The following FYN variants were observed in gnomAD, a reference collection of about 807,000 sequenced individuals.
FYN encodes FYN proto-oncogene, Src family tyrosine kinase.
Under a neutral mutation model 70.2 loss-of-function variants are expected in FYN, and 10 were observed. That is an observed-to-expected ratio of 0.14 (90% CI 0.09 to 0.24). FYN has a LOEUF of 0.24. FYN is among the 10% of genes least tolerant of loss of function. The pLI is 1.00. For missense variants in FYN, 319 were observed against 673.1 expected (o/e 0.47, Z 5.82); for synonymous variants, 236 against 248.6 (o/e 0.95, Z 0.48).
At chr6:111,735,159 A>C (rs1043561999) in intron 3 of FYN, among the ~76,000 whole-genome samples, 1 of 152,198 alleles carries the variant, frequency 6.6e-6, no homozygotes, top group Non-Finnish European at 1.5e-5. Context: ...CTTACGGCTT[A>C]TTTGATTTAT....
At chr6:111,790,576 A>G (rs1209542504) in intron 2 of FYN, among the ~76,000 whole-genome samples, 1 of 152,162 alleles carries the variant, frequency 6.6e-6, no homozygotes, top group Admixed American at 6.5e-5. Context: ...GTTCCCTACC[A>G]AGGACCTGTT....
chr6:111,769,298 T>G (rs984860198), intron 3 of FYN, among the ~76,000 whole-genome samples: 1 of 152,220 alleles, frequency 6.6e-6, no homozygotes, highest in Non-Finnish European at 1.5e-5. Flanking sequence ...ATTAGTAATA[T>G]GGGACAATCT....
At chr6:111,685,347 G>A (rs886956257) in intron 12 of FYN, among the ~76,000 whole-genome samples, 1 of 152,242 alleles carries the variant, frequency 6.6e-6, no homozygotes, top group Non-Finnish European at 1.5e-5. Flanking sequence ...TGGAGGTCAC[G>A]GGGTTTGACT....
intron 13 of FYN, among the ~76,000 whole-genome samples, chr6:111,664,884 C>G (rs1797928256): frequency 6.6e-6 from 1 of 152,212 alleles, no homozygotes; most frequent in African/African-American, 2.4e-5. Context: ...ATGCACTTGG[C>G]TGACAATGAC....
intron 3 of FYN, among the ~76,000 whole-genome samples, chr6:111,768,225 A>G (rs944369123): frequency 1.3e-5 from 2 of 152,230 alleles, no homozygotes; most frequent in African/African-American, 4.8e-5. Context: ...TCCATTAAAC[A>G]AACTCCTTCG....
chr6:111,672,287 C>T (rs1326053754), intron 13 of FYN, among the ~76,000 whole-genome samples: 1 of 152,236 alleles, frequency 6.6e-6, no homozygotes, highest in Non-Finnish European at 1.5e-5. Flanking sequence ...ACTTGCCTTC[C>T]CTACACAGCC....
At chr6:111,867,619 TCTAC>T (rs894640874) in intron 1 of FYN, among the ~76,000 whole-genome samples, 6 of 152,080 alleles carry the variant, frequency 3.9e-5, no homozygotes, top group Admixed American at 2.6e-4. Context: ...ACTGCTTGTC[TCTAC>T]CTAATTTCCC....
chr6:111,863,145 G>C (rs1484092943), intron 1 of FYN, among the ~76,000 whole-genome samples: 1 of 152,210 alleles, frequency 6.6e-6, no homozygotes, highest in Non-Finnish European at 1.5e-5. Flanking sequence ...CACATCCACA[G>C]TGACATGGAT....
chr6:111,720,318 C>T (rs941573200), intron 3 of FYN, among the ~76,000 whole-genome samples: 3 of 152,122 alleles, frequency 2.0e-5, no homozygotes, highest in African/African-American at 7.2e-5. Flanking sequence ...CAGCAACTTT[C>T]CTCGAATAAG....
At chr6:111,665,995 CTT>C (rs991104460) in intron 13 of FYN, among the ~76,000 whole-genome samples, 10 of 89,070 alleles carry the variant, frequency 1.1e-4, no homozygotes, top group East Asian at 1.0e-3. Flanking sequence ...CCTTTTTCTC[CTT>C]TTTTTTTTTT....
At chr6:111,809,393 A>G (rs1772252679) in intron 2 of FYN, among the ~76,000 whole-genome samples, 1 of 152,186 alleles carries the variant, frequency 6.6e-6, no homozygotes, top group Non-Finnish European at 1.5e-5. Flanking sequence ...CCCTGTATCC[A>G]TGTGCACTTT....
rs369902838 is a variant in FYN, at chr6:111,821,693, G to A, written c.-82+24896C>T. On this transcript the variant is annotated intron_variant, in intron 2 of 13. Coordinates refer to ENST00000354650, the MANE Select transcript of FYN (RefSeq NM_002037.5). ...AAAAGAAACTACCATCAGAGTGAAC[G>A]GGCAACCTACAGAATGGGAGAAAAT... 1.5e-3 allele frequency among the ~76,000 whole-genome samples: 234 copies of A among 151,984 alleles called. 1 individual carries two copies. Among genetic ancestry groups the A allele is most frequent in the African/African-American group, 5.0e-3 (207 of 41,482 alleles).
chr6:111,726,163 C>T (rs1354745061), intron 3 of FYN, among the ~76,000 whole-genome samples: 8 of 152,316 alleles, frequency 5.3e-5, no homozygotes, highest in Non-Finnish European at 8.8e-5. Context: ...CATTTGATTT[C>T]GGCTTTGCTG....
At chr6:111,714,014 C>G (rs1800505782) in intron 5 of FYN, among the ~76,000 whole-genome samples, 1 of 152,178 alleles carries the variant, frequency 6.6e-6, no homozygotes, top group Non-Finnish European at 1.5e-5. Context: ...AGGCTTGTGC[C>G]AATCACTTGA....
intron 13 of FYN, among the ~76,000 whole-genome samples, chr6:111,673,304 C>T (rs1012074109): frequency 3.3e-5 from 5 of 152,082 alleles, no homozygotes; most frequent in African/African-American, 1.2e-4. Flanking sequence ...ACCGCAGCAT[C>T]AATAAAACTG....
At chr6:111,722,645 C>A (rs1801009660) in intron 3 of FYN, among the ~76,000 whole-genome samples, 1 of 152,128 alleles carries the variant, frequency 6.6e-6, no homozygotes, top group Admixed American at 6.5e-5. Flanking sequence ...GGTAACTTTA[C>A]CACTCCCCTG....
intron 5 of FYN, among the ~76,000 whole-genome samples, chr6:111,708,559 G>A (rs75432104): frequency 0.038 from 5,711 of 152,202 alleles, 288 homozygotes; most frequent in African/African-American, 0.12. Context: ...CTCTAAACAC[G>A]TGCCTGGCTT....
intron 2 of FYN, among the ~76,000 whole-genome samples, chr6:111,806,480 C>A (rs535120770): frequency 6.6e-6 from 1 of 152,198 alleles, no homozygotes; most frequent in African/African-American, 2.4e-5. Flanking sequence ...TGCCCACAAC[C>A]CATCAGCTAA....
At chr6:111,766,439 T>C (rs914705660) in intron 3 of FYN, among the ~76,000 whole-genome samples, 2 of 152,196 alleles carry the variant, frequency 1.3e-5, no homozygotes, top group African/African-American at 4.8e-5. Context: ...AAATTTCCAA[T>C]GCACAGGGCA....
Sources: allele counts gnomAD v4.1 joint callset (sites outside exome capture counted in the v4.1 genomes callset), GRCh38; gene constraint gnomAD v4.1.1; transcripts MANE v1.5; gene names NCBI Gene and HGNC (gene_info 2026-07-23, HGNC 2026-07-21).